Variants in AAMDC observed in about 807,000 individuals in gnomAD.
AAMDC encodes the protein mth938 domain-containing protein.
A neutral mutation model predicts 15.5 loss-of-function variants in AAMDC; 16 were observed. That is an observed-to-expected ratio of 1.03 (90% confidence interval 0.70 to 1.57). AAMDC has a LOEUF of 1.57. AAMDC is among the 40% of genes most tolerant of loss of function. The pLI is 0.00. For synonymous variants in AAMDC, 51 were observed against 51.6 expected (o/e 0.99, Z 0.05); for missense variants, 141 against 144.9 (o/e 0.97, Z 0.14).
chr11:77,841,147 A>T, intron 1 of AAMDC: 1 of 698,998 alleles, frequency 1.4e-6, no homozygotes, highest in Non-Finnish European at 2.6e-6. Flanking sequence ...TCCTTTTATA[A>T]TGAACCTACT....
At chr11:77,899,891 T>G (rs1952702867) in intron 5 of AAMDC, among the ~76,000 whole-genome samples, 1 of 152,034 alleles carries the variant, frequency 6.6e-6, no homozygotes, top group Non-Finnish European at 1.5e-5. Context: ...AGTATACACA[T>G]GAAATGCTGG....
At chr11:77,902,810 A>C (rs1490012553), downstream of AAMDC, among the ~76,000 whole-genome samples, 1 of 152,208 alleles carries the variant, frequency 6.6e-6, no homozygotes, top group South Asian at 2.1e-4. Flanking sequence ...AGCTAAAAAG[A>C]AATAAACTAG....
chr11:77,872,145 T>G, intron 3 of AAMDC, 30 bp from the exon 4 acceptor site: 1 of 1,603,782 alleles, frequency 6.2e-7, no homozygotes, highest in East Asian at 2.2e-5. Flanking sequence ...CCTTTCCCCC[T>G]ACTTACTCAT....
intron 1 of AAMDC, among the ~76,000 whole-genome samples, chr11:77,831,386 T>A (rs1321156042): frequency 6.6e-6 from 1 of 152,226 alleles, no homozygotes; most frequent in African/African-American, 2.4e-5. Context: ...AAAAAATTTT[T>A]ACATAAATGT....
intron 1 of AAMDC, chr11:77,840,944 G>C (rs867645570): frequency 1.3e-5 from 6 of 461,338 alleles, no homozygotes; most frequent in South Asian, 8.4e-5. Flanking sequence ...CTTAATCCAT[G>C]TTGTGCTCCT....
rs750065312 is a variant in AAMDC at position 77,891,352 on chromosome 11, A to G, written c.329-9219A>G. ...TAACAGTGTTCTGAGGATCCTGCAC[A>G]TGCTCCAGGGTTGCATCAACATCCA... On this transcript the variant is annotated intron_variant, in intron 5 of 5. Transcript: ENST00000304716. 5.0e-6 allele frequency: 8 copies of G among 1,610,866 alleles called. No homozygotes were observed. In the African/African-American group the frequency reaches 6.7e-5, roughly 13 times the overall value.
At position 77,829,039 on chromosome 11, in the gene AAMDC, C is replaced by T. The variant is rs539781574; in HGVS notation, c.-19+7798C>T. ...GGCATATGACAGACTGTGTCTCCCC[C>T]AGATTCATATGTTGAAGCCCTAACC... is the stretch of plus-strand genomic sequence containing the variant. On this transcript the variant is annotated intron_variant, in intron 1 of 3. Coordinates refer to ENST00000393427, the MANE Select transcript of AAMDC (RefSeq NM_024684.4). 7.8e-4 allele frequency among the ~76,000 whole-genome samples: 119 copies of T among 152,308 alleles called. 1 individual carries two copies. Among genetic ancestry groups the T allele is most frequent in the African/African-American group, 2.8e-3 (116 of 41,576 alleles).
chr11:77,837,975 A>T (rs1341417899), intron 1 of AAMDC, among the ~76,000 whole-genome samples: 4 of 152,206 alleles, frequency 2.6e-5, no homozygotes, highest in African/African-American at 4.8e-5. Flanking sequence ...AACTAGCCTG[A>T]GGTGGGAAGA....
intron 2 of AAMDC, among the ~76,000 whole-genome samples, chr11:77,848,740 A>G (rs568028545): frequency 3.2e-4 from 49 of 152,246 alleles, no homozygotes; most frequent in African/African-American, 1.2e-3. Context: ...TGTGAAAGCA[A>G]ACAGTAAGCT....
At chr11:77,832,984 TG>T (rs1949510194) in intron 1 of AAMDC, among the ~76,000 whole-genome samples, 1 of 69,136 alleles carries the variant, frequency 1.4e-5, no homozygotes, top group Non-Finnish European at 2.7e-5. Flanking sequence ...TGTGTGTGTG[TG>T]TGTGTGTGTG....
chr11:77,856,282 C>A (rs1310636635), intron 2 of AAMDC, among the ~76,000 whole-genome samples: 1 of 152,180 alleles, frequency 6.6e-6, no homozygotes, highest in Non-Finnish European at 1.5e-5. Flanking sequence ...ATCTCCGAGA[C>A]CTTCTCAGCC....
chr11:77,893,891 T>TTAAGTAAATAAA (rs1555019924), intron 5 of AAMDC, among the ~76,000 whole-genome samples: 2 of 137,868 alleles, frequency 1.5e-5, no homozygotes, highest in African/African-American at 5.4e-5. Flanking sequence ...AGACTCTGTC[T>TTAAGTAAATAAA]TAAATAAATA....
intron 5 of AAMDC, chr11:77,891,483 C>T (rs1247359487): frequency 1.2e-6 from 2 of 1,612,824 alleles, no homozygotes; most frequent in East Asian, 2.2e-5. Flanking sequence ...GAGGAAAATC[C>T]TATGATTTTA....
At chr11:77,876,644 G>A (rs1951602708), downstream of AAMDC, among the ~76,000 whole-genome samples, 1 of 152,032 alleles carries the variant, frequency 6.6e-6, no homozygotes, top group Non-Finnish European at 1.5e-5. Context: ...TTCTTACACA[G>A]CTTTTAAAAA....
At chr11:77,860,917 C>A (rs1950849374) in intron 2 of AAMDC, among the ~76,000 whole-genome samples, 1 of 152,138 alleles carries the variant, frequency 6.6e-6, no homozygotes, top group African/African-American at 2.4e-5. Context: ...CGTTCACTGT[C>A]TGTTGGGTTT....
rs979276043 is a variant in AAMDC, at chr11:77,878,298, G to C, written c.328+1249G>C. Among the ~76,000 whole-genome samples the C allele has an allele frequency of 3.3e-5, 5 of 151,370 alleles. No individual in the cohort carries two copies. The East Asian group carries it at 9.7e-4, about 29-fold the overall frequency. ...AATGGCTTGAACCCAGGAGGCAGAG[G>C]TTGCAGTAAGCCAAGATCACGCCAC... On this transcript the variant is annotated intron_variant, in intron 5 of 5. Coordinates refer to the AAMDC transcript ENST00000304716.
downstream of AAMDC, among the ~76,000 whole-genome samples, chr11:77,876,666 A>T (rs1951603188): frequency 6.6e-6 from 1 of 152,160 alleles, no homozygotes; most frequent in African/African-American, 2.4e-5. Context: ...GTATTCTGAT[A>T]CCAAGCCAAA....
At chr11:77,841,204 T>A (rs1018711694) in intron 1 of AAMDC, 1 of 702,468 alleles carries the variant, frequency 1.4e-6, no homozygotes, top group Non-Finnish European at 2.6e-6. Flanking sequence ...GGAACCCTCA[T>A]GGCCTAATCA....
In AAMDC at chr11:77,861,623, C is replaced by T. The variant is rs555150593; in HGVS notation, c.133-8099C>T. On this transcript the variant is annotated intron_variant, in intron 2 of 3. Transcript: ENST00000393427. ...CCTTCCAGTGATTCCCTTGACATAA[C>T]GGGCATGGACGAGGGGGCGGCTTAT... Among the ~76,000 whole-genome samples, 22 of 152,294 alleles carry T rather than the reference C, an allele frequency of 1.4e-4. No individual in the cohort carries two copies. The South Asian group carries it at 3.9e-3, about 27-fold the overall frequency.
Sources: gnomAD v4.1 joint callset for allele counts (sites outside exome capture counted in the v4.1 genomes callset) on GRCh38, gnomAD v4.1.1 for gene constraint, MANE v1.5 for transcripts, NCBI Gene and HGNC (gene_info 2026-07-23, HGNC 2026-07-21) for gene names.